DNER: variants seen among roughly 807,000 people sequenced by gnomAD.
DNER encodes the protein delta/notch like EGF repeat containing.
In DNER, 33 loss-of-function variants were observed where a neutral mutation model predicts 78.2. The observed-to-expected ratio is 0.42, with a 90% confidence interval of 0.32 to 0.56. The LOEUF (loss-of-function observed/expected upper bound fraction) is 0.56, where lower values mean the gene tolerates loss of function less well. Among genes scored for constraint, DNER ranks in the 20% least tolerant of loss-of-function variants. DNER has a pLI of 0.11. For missense variants in DNER, 918 were observed against 975.3 expected (o/e 0.94, Z 0.78); for synonymous variants, 417 against 384.8 (o/e 1.08, Z -0.98).
At chr2:229,617,890 T>C (rs1472691208) in intron 1 of DNER, among the ~76,000 whole-genome samples, 1 of 152,306 alleles carries the variant, frequency 6.6e-6, no homozygotes, top group Admixed American at 6.5e-5. Flanking sequence ...AGGTCAAAAC[T>C]GCAGTGAGCC....
At chr2:229,643,760 GCAT>G (rs1337361368) in intron 1 of DNER, among the ~76,000 whole-genome samples, 1 of 152,148 alleles carries the variant, frequency 6.6e-6, no homozygotes, top group African/African-American at 2.4e-5. Context: ...AATGCATGGA[GCAT>G]CATTTTTGCC....
chr2:229,620,511 T>TGATGA, intron 1 of DNER, among the ~76,000 whole-genome samples: 1 of 152,172 alleles, frequency 6.6e-6, no homozygotes. Context: ...TCACTGCGTG[T>TGATGA]GATGAGATGA....
chr2:229,428,417 G>A (rs1228870323), intron 8 of DNER, among the ~76,000 whole-genome samples: 1 of 152,038 alleles, frequency 6.6e-6, no homozygotes, highest in Non-Finnish European at 1.5e-5. Flanking sequence ...GAGGTGGAAG[G>A]GGAGGCCCAG....
At chr2:229,640,428 G>C (rs561637930) in intron 1 of DNER, among the ~76,000 whole-genome samples, 1 of 151,638 alleles carries the variant, frequency 6.6e-6, no homozygotes, top group African/African-American at 2.4e-5. Flanking sequence ...GAGAAAAGTA[G>C]CTCAGTACAA....
At chr2:229,512,651 C>T in intron 6 of DNER, 132 bp downstream of exon 6, 5 of 1,304,166 alleles carry the variant, frequency 3.8e-6, no homozygotes, top group Non-Finnish European at 5.3e-6. Flanking sequence ...CAAAACCTCA[C>T]AAATCACCAA....
intron 1 of DNER, among the ~76,000 whole-genome samples, chr2:229,653,964 C>T (rs1698865548): frequency 6.6e-6 from 1 of 151,726 alleles, no homozygotes; most frequent in African/African-American, 2.4e-5. Flanking sequence ...TTGTCTTTTT[C>T]ATTATTATTA....
At chr2:229,649,615 T>C (rs905022595) in intron 1 of DNER, among the ~76,000 whole-genome samples, 4 of 152,220 alleles carry the variant, frequency 2.6e-5, no homozygotes, top group African/African-American at 7.2e-5. Context: ...GCTAAGAACA[T>C]TGAAATTATA....
At position 229,703,779 on chromosome 2, in the gene DNER, AGGT is replaced by A. The variant is rs202110762; in HGVS notation, c.276+10366_276+10368del. ...GTAGTCCCAGCTACTCAGGAGGCTG[AGGT>A]GGGAGGATTGCTTGAGCCTGGGAGG... On this transcript the variant is annotated intron_variant, in intron 1 of 12. Transcript: ENST00000341772. Among the ~76,000 whole-genome samples the A allele has an allele frequency of 9.5e-3, 1,451 of 152,268 alleles. 11 individuals carry two copies. The highest frequency in any genetic ancestry group is 0.016 in the Non-Finnish European group (1,075 of 68,018).
intron 1 of DNER, among the ~76,000 whole-genome samples, chr2:229,615,896 C>G (rs1280939844): frequency 6.6e-6 from 1 of 152,078 alleles, no homozygotes; most frequent in Non-Finnish European, 1.5e-5. Flanking sequence ...GGTCTAATTC[C>G]CCAGGTAGAC....
intron 1 of DNER, among the ~76,000 whole-genome samples, chr2:229,602,862 G>A (rs943789914): frequency 6.6e-6 from 1 of 152,180 alleles, no homozygotes; most frequent in Non-Finnish European, 1.5e-5. Flanking sequence ...ATTCAATGCT[G>A]CTACAACAGA....
rs148942158 is a variant in DNER at position 229,475,439 on chromosome 2, A to G, written c.1261+1701T>C. Reference sequence around the variant, plus strand: ...CCCTCTCCTCTCCTAGGGTCTTTGTACATGGGAGTCTCTCCCAGCTCTCCA... The same window carrying G: ...CCCTCTCCTCTCCTAGGGTCTTTGTGCATGGGAGTCTCTCCCAGCTCTCCA... On this transcript the variant is annotated intron_variant, in intron 7 of 12. Transcript: ENST00000341772. 8.0e-5 allele frequency among the ~76,000 whole-genome samples: 12 copies of G among 149,582 alleles called. No individual in the cohort carries two copies. In the East Asian group the frequency reaches 2.5e-3, roughly 31 times the overall value.
chr2:229,673,267 A>G (rs748294242), intron 1 of DNER, among the ~76,000 whole-genome samples: 2 of 152,192 alleles, frequency 1.3e-5, no homozygotes, highest in Admixed American at 6.5e-5. Flanking sequence ...AGGTATTGAG[A>G]TTGGAAGAGC....
chr2:229,614,075 C>A (rs532567706), intron 1 of DNER, among the ~76,000 whole-genome samples: 2,336 of 151,290 alleles, frequency 0.015, 30 homozygotes, highest in Middle Eastern at 0.031. Flanking sequence ...ATACCTAATG[C>A]TAAATGACGA....
chr2:229,518,537 G>A (rs1052005815), intron 5 of DNER, among the ~76,000 whole-genome samples: 2 of 152,220 alleles, frequency 1.3e-5, no homozygotes, highest in African/African-American at 2.4e-5. Flanking sequence ...CTCAATCAAA[G>A]TCTAGTTGGG....
At chr2:229,506,722 A>G (rs1695753951) in intron 6 of DNER, among the ~76,000 whole-genome samples, 1 of 144,434 alleles carries the variant, frequency 6.9e-6, no homozygotes, top group Non-Finnish European at 1.5e-5. Context: ...CCTGTGTCCA[A>G]GTGTTCTCAC....
intron 1 of DNER, chr2:229,702,222 C>T (rs1389018551): frequency 6.5e-6 from 1 of 154,236 alleles, no homozygotes; most frequent in East Asian, 1.9e-4. Context: ...GGTTTGAATT[C>T]TTGTTAGCAA....
At chr2:229,365,040 G>A (rs1392213725) in intron 12 of DNER, among the ~76,000 whole-genome samples, 2 of 151,976 alleles carry the variant, frequency 1.3e-5, no homozygotes, top group African/African-American at 4.8e-5. Flanking sequence ...GTAGATATAA[G>A]AAAACATTCA....
chr2:229,616,547 A>T (rs1391162853), intron 1 of DNER, among the ~76,000 whole-genome samples: 2 of 152,194 alleles, frequency 1.3e-5, no homozygotes, highest in East Asian at 3.9e-4. Flanking sequence ...GACAGTGTGT[A>T]TGTCCCTCCT....
chr2:229,625,847 G>T (rs1179107140), intron 1 of DNER, among the ~76,000 whole-genome samples: 5 of 152,012 alleles, frequency 3.3e-5, no homozygotes, highest in African/African-American at 1.2e-4. Context: ...GAGTTCACAG[G>T]TATGGAAAGG....
Sources: allele counts gnomAD v4.1 joint callset (sites outside exome capture counted in the v4.1 genomes callset), GRCh38; gene constraint gnomAD v4.1.1; transcripts MANE v1.5; gene names NCBI Gene and HGNC (gene_info 2026-07-23, HGNC 2026-07-21).